PLSCR5: variants seen among roughly 807,000 people sequenced by gnomAD.
PLSCR5 encodes the protein phospholipid scramblase family member 5.
A neutral mutation model predicts 33.6 loss-of-function variants in PLSCR5; 44 were observed. The observed-to-expected ratio is 1.31, with a 90% CI of 1.03 to 1.69. PLSCR5 has a LOEUF of 1.69. PLSCR5 is among the 40% of genes most tolerant of loss of function. The pLI is 0.00. For synonymous variants in PLSCR5, 148 were observed against 112.3 expected (o/e 1.32, Z -2.01); for missense variants, 375 against 318.7 (o/e 1.18, Z -1.34).
intron 3 of PLSCR5, among the ~76,000 whole-genome samples, 168 bp from the exon 4 acceptor site, chr3:146,594,308 C>T (rs2044740851): frequency 6.6e-6 from 1 of 151,892 alleles, no homozygotes; most frequent in African/African-American, 2.4e-5. Flanking sequence ...AGGACTTAGC[C>T]ATGGAAATAA....
At chr3:146,585,567 A>G (rs757843462), downstream of PLSCR5, among the ~76,000 whole-genome samples, 13 of 152,122 alleles carry the variant, frequency 8.5e-5, no homozygotes, top group Non-Finnish European at 1.5e-4. Flanking sequence ...AAATTAATAA[A>G]CAAAGTATAA....
At chr3:146,591,525 C>T (rs1184801224) in intron 5 of PLSCR5, among the ~76,000 whole-genome samples, 195 bp downstream of exon 5, 2 of 151,802 alleles carry the variant, frequency 1.3e-5, no homozygotes, top group African/African-American at 4.8e-5. Flanking sequence ...TTAAAAAATC[C>T]TTGGACTTTA....
Position 146,593,964 on chromosome 3 carries a change from G to T in PLSCR5, c.409C>A (p.Pro137Thr). The T allele has an allele frequency of 6.2e-7, 1 of 1,613,762 alleles. No homozygotes were observed. Among genetic ancestry groups the T allele is most frequent in the Non-Finnish European group, 8.5e-7 (1 of 1,179,766 alleles). Reference sequence around the variant, plus strand: ...CACCAGCAGCTGTTACATCTCAAGGGCCTGTTCACTGTAATGACCTCTCGA... The same window carrying T: ...CACCAGCAGCTGTTACATCTCAAGGTCCTGTTCACTGTAATGACCTCTCGA... The part of the protein sequence containing the change: ...SGREVITVNR[P>T]LRCNSCWCPC... The change falls in exon 4 of 8, where the codon CCC (proline) becomes ACC (threonine). Residue 137 changes from proline (P) to threonine (T), a missense_variant. Physicochemically the swap from Pro to Thr is conservative, Grantham distance 38. Coordinates refer to ENST00000443512, the MANE Select transcript of PLSCR5 (RefSeq NM_001085420.2).
intron 2 of PLSCR5, among the ~76,000 whole-genome samples, chr3:146,599,514 C>CTTTTTT (rs200837530): frequency 7.0e-6 from 1 of 141,896 alleles, no homozygotes; most frequent in African/African-American, 2.6e-5. Flanking sequence ...TTTGCATTAA[C>CTTTTTT]TTTTTTTTTT....
intron 2 of PLSCR5, among the ~76,000 whole-genome samples, chr3:146,599,752 A>G (rs563752403): frequency 1.3e-5 from 2 of 150,040 alleles, no homozygotes; most frequent in South Asian, 4.2e-4. Flanking sequence ...ATCACAGCTC[A>G]TTGTAGCCTT....
Position 146,600,501 on chromosome 3 carries a change from T to C in PLSCR5, c.14-38A>G, listed in dbSNP as rs763092922. The C allele has an allele frequency of 1.5e-5, 23 of 1,501,892 alleles. No individual in the cohort carries two copies. The South Asian group carries it at 3.0e-4, about 19-fold the overall frequency. 93.0% of individuals were successfully genotyped at this position (1,501,892 alleles called of 1,614,324 possible). A position where few individuals can be genotyped will look rare whatever the true frequency, so the allele number is the denominator to read the frequency against. On this transcript the variant is annotated intron_variant, in intron 1 of 7. Transcript: ENST00000443512. ...GGAAATCCCAATCCATATTTAAATT[T>C]AGGCCATTTTATTTAGTCCTTCTTA...
chr3:146,589,707 A>G lies in PLSCR5; in HGVS notation c.723T>C (p.Pro241=). ...TNADNFGIHV[P]ADLDVTVKAA... is the part of the protein sequence containing the mutation. ...CTTTGACTGTTACATCTAGATCTGC[A>G]GGAACATGAATTCCGAAATTGTCAG... Residue 241 remains proline (P), a synonymous_variant, in exon 6 of 8, where the codon CCT becomes CCC. Transcript: ENST00000443512. The G allele has an allele frequency of 1.9e-6, 3 of 1,606,374 alleles. No homozygotes were observed. The highest frequency in any genetic ancestry group is 2.6e-6 in the Non-Finnish European group (3 of 1,174,242).
chr3:146,591,944 A>G, intron 4 of PLSCR5, 63 bp from the exon 5 acceptor site: 1 of 1,360,790 alleles, frequency 7.3e-7, no homozygotes, highest in East Asian at 2.5e-5. Context: ...ATTTTACTAT[A>G]ATGTCAATTT....
In PLSCR5 at chr3:146,601,108, A is replaced by G. The variant is rs1560110737; in HGVS notation, c.14-645T>C. ...TAATCAAAGAATTCTATAAAGTTTGACTAAAATTTTTAGAGAAGACATCTG... is the reference window on the plus strand; with the variant it reads ...TAATCAAAGAATTCTATAAAGTTTGGCTAAAATTTTTAGAGAAGACATCTG... On this transcript the variant is annotated intron_variant, in intron 1 of 7. Transcript: ENST00000443512. Among the ~76,000 whole-genome samples the G allele has an allele frequency of 2.0e-5, 3 of 151,480 alleles. No homozygotes were observed. The South Asian group carries it at 6.2e-4, about 31-fold the overall frequency.
intron 2 of PLSCR5, among the ~76,000 whole-genome samples, chr3:146,596,298 C>G (rs1245082563): frequency 6.6e-6 from 1 of 152,186 alleles, no homozygotes; most frequent in African/African-American, 2.4e-5. Context: ...AAGCAATTCT[C>G]GTGCCTCAGC....
intron 7 of PLSCR5, among the ~76,000 whole-genome samples, chr3:146,579,627 C>T (rs566758635): frequency 6.5e-4 from 99 of 152,246 alleles, no homozygotes; most frequent in African/African-American, 2.3e-3. Flanking sequence ...ATTATGGCTT[C>T]GGAAAGATAT....
chr3:146,587,483 C>T (rs768351434), intron 6 of PLSCR5, among the ~76,000 whole-genome samples: 3 of 151,928 alleles, frequency 2.0e-5, no homozygotes, highest in African/African-American at 7.3e-5. Context: ...TAAATATTAA[C>T]GTTAAGTGTG....
intron 2 of PLSCR5, among the ~76,000 whole-genome samples, chr3:146,598,130 AC>A (rs1225041286): frequency 6.6e-6 from 1 of 152,126 alleles, no homozygotes; most frequent in East Asian, 1.9e-4. Context: ...AATTGGATGG[AC>A]TTGATTAAAA....
intron 1 of PLSCR5, 78 bp downstream of exon 1, chr3:146,605,122 G>T: frequency 1.4e-6 from 2 of 1,421,736 alleles, no homozygotes; most frequent in Non-Finnish European, 1.9e-6. Flanking sequence ...CAATCTAACT[G>T]GTTGTAACAC....
At chr3:146,594,221 A>G (rs1222357239) in intron 3 of PLSCR5, 81 bp from the exon 4 acceptor site, 31 of 962,394 alleles carry the variant, frequency 3.2e-5, no homozygotes, top group Non-Finnish European at 4.6e-5. Flanking sequence ...ATGTTATTAA[A>G]AGAATACAGT....
intron 7 of PLSCR5, among the ~76,000 whole-genome samples, chr3:146,577,410 T>C (rs913638734): frequency 1.3e-5 from 2 of 152,110 alleles, no homozygotes; most frequent in Non-Finnish European, 2.9e-5. Context: ...TGACCAAAAA[T>C]GAGTGGATTT....
Position 146,596,551 on chromosome 3 carries a change from G to A in PLSCR5, c.190-1468C>T, listed in dbSNP as rs200955935. Among the ~76,000 whole-genome samples the A allele has an allele frequency of 5.3e-5, 8 of 152,252 alleles. No individual in the cohort carries two copies. The East Asian group carries it at 1.4e-3, about 26-fold the overall frequency. On this transcript the variant is annotated intron_variant, in intron 2 of 7. Coordinates refer to ENST00000443512, the MANE Select transcript of PLSCR5 (RefSeq NM_001085420.2). Reference sequence around the variant, plus strand: ...TGAAGATCCAGTAATGCAAAAGCATGAACACTAAATATGCTGCTGATCATT... The same window carrying A: ...TGAAGATCCAGTAATGCAAAAGCATAAACACTAAATATGCTGCTGATCATT...
intron 4 of PLSCR5, among the ~76,000 whole-genome samples, chr3:146,592,345 C>T (rs1036277142): frequency 5.3e-5 from 8 of 152,030 alleles, no homozygotes; most frequent in Non-Finnish European, 1.2e-4. Context: ...CCAAGATTAT[C>T]TATATTTAAT....
chr3:146,576,780 A>G (rs961338150), intron 7 of PLSCR5: 3 of 148,900 alleles, frequency 2.0e-5, no homozygotes, highest in African/African-American at 7.3e-5. Flanking sequence ...TAGGCTAGAG[A>G]TCTATAATGG....
Sources: gnomAD v4.1 joint callset for allele counts (sites outside exome capture counted in the v4.1 genomes callset) on GRCh38, gnomAD v4.1.1 for gene constraint, MANE v1.5 for transcripts, NCBI Gene and HGNC (gene_info 2026-07-23, HGNC 2026-07-21) for gene names.